The following MPP7 variants were observed in gnomAD, a reference collection of about 807,000 sequenced individuals.
MPP7 encodes the protein MAGUK p55 subfamily member 7.
In MPP7, 60 loss-of-function variants were observed where a neutral mutation model predicts 76.5. The observed-to-expected ratio is 0.78, with a 90% confidence interval of 0.64 to 0.97. MPP7 has a LOEUF of 0.97. Among genes scored for constraint, MPP7 ranks in the 50% least tolerant of loss-of-function variants. The probability of loss-of-function intolerance (pLI) is 0.00; values close to 1 mark genes in which losing one functional copy is unlikely to be tolerated. For synonymous variants in MPP7, 237 were observed against 244.5 expected, an observed-to-expected ratio of 0.97 and a Z score of 0.29; for missense variants, 641 against 694.0, an observed-to-expected ratio of 0.92 and a Z score of 0.86.
intron 1 of MPP7, among the ~76,000 whole-genome samples, chr10:28,256,096 G>C (rs1465888607): frequency 6.6e-6 from 1 of 152,104 alleles, no homozygotes. Flanking sequence ...AGTATACTAG[G>C]AGTGTGAAAA....
intron 12 of MPP7, among the ~76,000 whole-genome samples, chr10:28,070,731 T>C (rs1852205253): frequency 6.6e-6 from 1 of 152,182 alleles, no homozygotes; most frequent in Admixed American, 6.5e-5. Flanking sequence ...GAGCAAGGCA[T>C]ACAGTAGATT....
chr10:28,114,389 G>A (rs1834596899), intron 11 of MPP7, among the ~76,000 whole-genome samples: 1 of 152,078 alleles, frequency 6.6e-6, no homozygotes, highest in Non-Finnish European at 1.5e-5. Context: ...TCAAGCCTGG[G>A]CAACAGAGTG....
chr10:28,132,044 G>A (rs1014407411), intron 5 of MPP7, among the ~76,000 whole-genome samples: 2 of 152,026 alleles, frequency 1.3e-5, no homozygotes, highest in African/African-American at 2.4e-5. Context: ...TGTTACTTTT[G>A]GGGGAAGGGA....
chr10:28,124,694 A>T (rs2133639466), intron 7 of MPP7, among the ~76,000 whole-genome samples: 1 of 150,862 alleles, frequency 6.6e-6, no homozygotes, highest in South Asian at 2.1e-4. Context: ...CGTGTTAGCC[A>T]GGATGGTATT....
At chr10:28,319,542 G>A (rs968942444) in intron 2 of MPP7, among the ~76,000 whole-genome samples, 32 of 151,856 alleles carry the variant, frequency 2.1e-4, no homozygotes, top group South Asian at 4.2e-4. Context: ...GCCCAGCATG[G>A]TGGTCTGGGA....
At chr10:28,142,959 T>G (rs1211392032) in intron 5 of MPP7, among the ~76,000 whole-genome samples, 17 of 152,168 alleles carry the variant, frequency 1.1e-4, no homozygotes, top group Non-Finnish European at 2.9e-5. Context: ...AAATATTCCA[T>G]AAAATCCTCT....
intron 3 of MPP7, among the ~76,000 whole-genome samples, chr10:28,176,181 G>T (rs1236313390): frequency 6.6e-6 from 1 of 152,010 alleles, no homozygotes; most frequent in Non-Finnish European, 1.5e-5. Context: ...TTGAACCCAG[G>T]GGGCAGAGGG....
intron 2 of MPP7, among the ~76,000 whole-genome samples, chr10:28,235,839 G>C (rs924960271): frequency 6.6e-6 from 1 of 152,160 alleles, no homozygotes; most frequent in Admixed American, 6.5e-5. Context: ...AAGGACAAAT[G>C]ACTGACCAGA....
Position 28,259,001 on chromosome 10 carries a change from T to C in MPP7, c.-131-20266A>G, listed in dbSNP as rs193296625. Among the ~76,000 whole-genome samples, 13 of 152,228 alleles carry C rather than the reference T, an allele frequency of 8.5e-5. 1 individual carries two copies. The highest frequency in any genetic ancestry group is 3.4e-3 in the Middle Eastern group (1 of 294). On this transcript the variant is annotated intron_variant, in intron 1 of 16. Coordinates refer to ENST00000683449, the MANE Select transcript of MPP7 (RefSeq NM_001318170.2). Reference sequence around the variant, plus strand: ...TGTCTCAGAACTTTTACTCAGAGAATGAGAAGGCTCAGGACTCAAACTTAC... The same window carrying C: ...TGTCTCAGAACTTTTACTCAGAGAACGAGAAGGCTCAGGACTCAAACTTAC...
intron 3 of MPP7, among the ~76,000 whole-genome samples, chr10:28,183,723 C>T (rs1320210017): frequency 6.6e-6 from 1 of 152,122 alleles, no homozygotes. Context: ...AAGGTTGAGG[C>T]TGCAGTGGCC....
chr10:28,242,422 G>A (rs1006052591), intron 1 of MPP7, among the ~76,000 whole-genome samples: 1 of 152,174 alleles, frequency 6.6e-6, no homozygotes, highest in Non-Finnish European at 1.5e-5. Context: ...CTATTAGCCA[G>A]TGCAAGAAGC....
rs1762172 is a variant in MPP7 at position 28,328,465 on chromosome 10, G to A, written c.-132+1464C>T. 8.4e-3 allele frequency among the ~76,000 whole-genome samples: 1,284 copies of A among 152,052 alleles called. 12 individuals are homozygous for A. Among genetic ancestry groups the A allele is most frequent in the Middle Eastern group, 0.014 (4 of 292 alleles). Reference sequence around the variant, plus strand: ...TTATAAGTTTAAGTTATGAGCTCTGGTAGAATTCTTAGCTTTTTCTCTCCA... The same window carrying A: ...TTATAAGTTTAAGTTATGAGCTCTGATAGAATTCTTAGCTTTTTCTCTCCA... On this transcript the variant is annotated intron_variant, in intron 2 of 11. Transcript: ENST00000441595.
rs529750287 is a variant in MPP7, at chr10:28,115,355, G to A, written c.952+4296C>T. ...CCTGACCTTGTGATCTGCCTGCCTC[G>A]GCCTCCCAAAGTGCTGTGATTACAG... On this transcript the variant is annotated intron_variant, in intron 11 of 16. Transcript: ENST00000683449. Among the ~76,000 whole-genome samples the A allele has an allele frequency of 1.6e-4, 25 of 152,166 alleles. No homozygotes were observed. In the South Asian group the frequency reaches 3.5e-3, roughly 21 times the overall value.
At chr10:28,061,937 G>A (rs1402065359) in intron 13 of MPP7, among the ~76,000 whole-genome samples, 4 of 151,704 alleles carry the variant, frequency 2.6e-5, no homozygotes, top group Non-Finnish European at 5.9e-5. Flanking sequence ...AAGAATAAAG[G>A]CAAAATAAAG....
rs60127503 is a variant in MPP7, at chr10:28,274,101, C to CTTTT, written c.-132+28756_-132+28759dup. 3.8e-4 allele frequency among the ~76,000 whole-genome samples: 47 copies of CTTTT among 123,652 alleles called. 1 individual carries two copies. The highest frequency in any genetic ancestry group is 1.3e-3 in the African/African-American group (41 of 31,976). The allele number at this position is 123,652 out of a possible 152,430, so 81.1% of individuals were successfully genotyped here. A position where few individuals can be genotyped will look rare whatever the true frequency, so the allele number is the denominator to read the frequency against. On this transcript the variant is annotated intron_variant, in intron 1 of 16. Transcript: ENST00000683449. ...CATCTCTGTAAAATAAAATTTTTTTCTTTTTTTTTTTTTTTTTTTGAGATG... is the reference window on the plus strand; with the variant it reads ...CATCTCTGTAAAATAAAATTTTTTTCTTTTTTTTTTTTTTTTTTTTTTTGAGATG...
chr10:28,243,423 T>A (rs1413695293), intron 1 of MPP7, among the ~76,000 whole-genome samples: 1 of 151,970 alleles, frequency 6.6e-6, no homozygotes, highest in Non-Finnish European at 1.5e-5. Flanking sequence ...TGGCATTTTG[T>A]ATCAACATTG....
chr10:28,189,627 T>G (rs1837347653), intron 3 of MPP7, among the ~76,000 whole-genome samples: 1 of 122,746 alleles, frequency 8.1e-6, no homozygotes, highest in South Asian at 2.7e-4. Flanking sequence ...TGTGTGTTGC[T>G]AACTGTAGGG....
At chr10:28,262,228 T>TATATAC (rs1839995295) in intron 1 of MPP7, among the ~76,000 whole-genome samples, 2 of 31,288 alleles carry the variant, frequency 6.4e-5, no homozygotes, top group Non-Finnish European at 5.4e-5. Context: ...TATATATACA[T>TATATAC]ATATATATAT....
rs1841271684 is a variant in MPP7, at chr10:28,308,450, G to C, written c.-132+21479C>G. On this transcript the variant is annotated intron_variant, in intron 2 of 11. Transcript: ENST00000441595. ...AGGTCTCAAAGAAGCAGGAGTAACAGAATTGCTTTCTTCAGAGAAAACATC... is the reference window on the plus strand; with the variant it reads ...AGGTCTCAAAGAAGCAGGAGTAACACAATTGCTTTCTTCAGAGAAAACATC... 2.0e-5 allele frequency among the ~76,000 whole-genome samples: 3 copies of C among 152,210 alleles called. No individual in the cohort carries two copies. In the South Asian group the frequency reaches 6.2e-4, roughly 31 times the overall value.
Sources: allele counts gnomAD v4.1 joint callset (sites outside exome capture counted in the v4.1 genomes callset), GRCh38; gene constraint gnomAD v4.1.1; transcripts MANE v1.5; gene names NCBI Gene and HGNC (gene_info 2026-07-23, HGNC 2026-07-21).